The following SDAD1 variants were observed in gnomAD, a reference collection of about 807,000 sequenced individuals.
SDAD1 encodes the protein protein SDA1 homolog.
In SDAD1, 79 loss-of-function variants were observed where a neutral mutation model predicts 100.3. The observed-to-expected ratio is 0.79, with a 90% confidence interval of 0.66 to 0.95. SDAD1 has a LOEUF of 0.95. Among genes scored for constraint, SDAD1 ranks in the 40% least tolerant of loss-of-function variants. The probability of loss-of-function intolerance (pLI) is 0.00; values close to 1 mark genes in which losing one functional copy is unlikely to be tolerated. For missense variants in SDAD1, 790 were observed against 810.9 expected (o/e 0.97, Z 0.31); for synonymous variants, 267 against 271.4 (o/e 0.98, Z 0.16).
At position 75,964,521 on chromosome 4, in the gene SDAD1, T is replaced by C. The variant is rs1729427774; in HGVS notation, c.1105-310A>G. Among the ~76,000 whole-genome samples the C allele has an allele frequency of 2.0e-5, 3 of 151,172 alleles. No individual in the cohort carries two copies. In the South Asian group the frequency reaches 6.3e-4, roughly 32 times the overall value. ...AAATCAGAATTCTAAACAACTTGTC[T>C]GAAAGAAACTTCTTTTTATGAGACG... On this transcript the variant is annotated intron_variant, in intron 13 of 21. Transcript: ENST00000356260.
chr4:75,990,920 C>T lies in SDAD1; in HGVS notation c.-79G>A, dbSNP rs1731235473. The T allele has an allele frequency of 6.4e-7, 1 of 1,554,726 alleles. No homozygotes were observed. Among genetic ancestry groups the T allele is most frequent in the Non-Finnish European group, 8.8e-7 (1 of 1,130,670 alleles). On this transcript the variant is annotated 5_prime_UTR_variant, in exon 1 of 22. Transcript: ENST00000356260. The stretch of plus-strand genomic sequence containing the variant: ...GGCACCCCGCAATCCCTGCCAGCTG[C>T]AGCTTGGACTCGTGTTTCCGGGTAT...
At chr4:75,971,092 T>C (rs1729843290) in intron 9 of SDAD1, among the ~76,000 whole-genome samples, 1 of 152,212 alleles carries the variant, frequency 6.6e-6, no homozygotes, top group African/African-American at 2.4e-5. Flanking sequence ...TGACAAAACA[T>C]GTCTAGCAAA....
rs188186334 is a variant in SDAD1, at chr4:75,979,754, G to A, written c.294+1618C>T. Among the ~76,000 whole-genome samples the A allele has an allele frequency of 6.3e-4, 95 of 151,822 alleles. 1 individual carries two copies. Among genetic ancestry groups the A allele is most frequent in the African/African-American group, 1.9e-3 (78 of 41,412 alleles). On this transcript the variant is annotated intron_variant, in intron 3 of 21. Coordinates refer to ENST00000356260, the MANE Select transcript of SDAD1 (RefSeq NM_018115.4). ...ACAGGCGTGAGCCACCGCGCCTGGC[G>A]GAAATCTTTATTATTTTTTAAAAAC...
chr4:75,982,648 CAAAATA>C (rs1430993681), intron 1 of SDAD1, among the ~76,000 whole-genome samples: 3 of 151,808 alleles, frequency 2.0e-5, no homozygotes, highest in Non-Finnish European at 2.9e-5. Context: ...CCCTGTCTCA[CAAAATA>C]AAAATAAAAA....
intron 14 of SDAD1, among the ~76,000 whole-genome samples, chr4:75,962,912 C>T (rs990232500): frequency 3.3e-5 from 5 of 152,182 alleles, no homozygotes; most frequent in African/African-American, 9.7e-5. Flanking sequence ...TCCCACCTGT[C>T]AATTTTGGCT....
chr4:75,989,159 C>A (rs959984549), intron 1 of SDAD1, among the ~76,000 whole-genome samples: 2 of 152,198 alleles, frequency 1.3e-5, no homozygotes, highest in Non-Finnish European at 2.9e-5. Flanking sequence ...CCTACATCAT[C>A]TTCCACTGCC....
intron 17 of SDAD1, among the ~76,000 whole-genome samples, chr4:75,958,477 AG>A (rs1440618550): frequency 6.6e-6 from 1 of 152,220 alleles, no homozygotes; most frequent in African/African-American, 2.4e-5. Flanking sequence ...CTCAATAAAA[AG>A]GTATCAGGCT....
chr4:75,961,351 T>A (rs775134667), intron 14 of SDAD1, 43 bp from the exon 15 acceptor site: 1 of 1,411,476 alleles, frequency 7.1e-7, no homozygotes, highest in Admixed American at 1.8e-5. Flanking sequence ...CGAATAGCAA[T>A]TTTTTCATGA....
Position 75,975,846 on chromosome 4 carries a change from T to C in SDAD1, c.478-2A>G, listed in dbSNP as rs1730129194. 1 of 1,613,172 alleles carries C rather than the reference T, an allele frequency of 6.2e-7. No homozygotes were observed. The highest frequency in any genetic ancestry group is 1.3e-5 in the African/African-American group (1 of 75,030). ...GGTGTACATGAAATTTTGCAATACC[T>C]GCAGAAAAGGAGGAGAAAGAAGACT... On this transcript the variant is annotated splice_acceptor_variant, in intron 5 of 21. Transcript: ENST00000356260. LOFTEE classifies it high-confidence loss of function.
At chr4:75,955,300 G>A (rs1728826643) in intron 21 of SDAD1, among the ~76,000 whole-genome samples, 2 of 152,158 alleles carry the variant, frequency 1.3e-5, no homozygotes, top group East Asian at 1.9e-4. Flanking sequence ...ATAAATGGTG[G>A]TATATCCAGT....
Position 75,990,568 on chromosome 4 carries a change from G to A in SDAD1, c.90+184C>T, listed in dbSNP as rs1731195561. On this transcript the variant is annotated intron_variant, in intron 1 of 21. Coordinates refer to ENST00000356260, the MANE Select transcript of SDAD1 (RefSeq NM_018115.4). ...ATCCAAAGGGGCAACAGATTTTCAA[G>A]AGGTGGGGAACGAACCCTAAGGCAT... is the stretch of plus-strand genomic sequence containing the variant. 4 of 1,255,582 alleles carry A rather than the reference G, an allele frequency of 3.2e-6. No homozygotes were observed. In the East Asian group the frequency reaches 7.5e-5, roughly 24 times the overall value. The allele number at this position is 1,255,582 out of a possible 1,614,324, so 77.8% of individuals were successfully genotyped here. A position where few individuals can be genotyped will look rare whatever the true frequency, so the allele number is the denominator to read the frequency against.
intron 2 of SDAD1, 67 bp from the exon 3 acceptor site, chr4:75,981,537 T>C: frequency 1.2e-6 from 2 of 1,603,960 alleles, no homozygotes; most frequent in Non-Finnish European, 8.5e-7. Flanking sequence ...TGCATACATT[T>C]AGGATGTTCT....
intron 12 of SDAD1, among the ~76,000 whole-genome samples, 196 bp downstream of exon 12, chr4:75,967,081 A>T (rs1291050208): frequency 1.3e-5 from 2 of 152,144 alleles, no homozygotes; most frequent in East Asian, 1.9e-4. Context: ...TTGTTGTTTT[A>T]AAAAAACAAT....
At chr4:75,989,934 T>C (rs1187668933) in intron 1 of SDAD1, among the ~76,000 whole-genome samples, 1 of 152,120 alleles carries the variant, frequency 6.6e-6, no homozygotes. Context: ...ACTGAACAAA[T>C]CACAATCTGG....
intron 21 of SDAD1, among the ~76,000 whole-genome samples, chr4:75,953,583 G>A (rs1008927485): frequency 2.6e-5 from 4 of 152,152 alleles, no homozygotes; most frequent in African/African-American, 9.7e-5. Flanking sequence ...AAATGATGTT[G>A]TTGAACACAG....
chr4:75,968,059 T>C (rs1348176201), intron 11 of SDAD1, among the ~76,000 whole-genome samples: 2 of 152,218 alleles, frequency 1.3e-5, no homozygotes, highest in African/African-American at 4.8e-5. Context: ...CACTGAGAAG[T>C]TGCAGGGAAG....
chr4:75,983,183 A>G (rs945960244), intron 1 of SDAD1, among the ~76,000 whole-genome samples: 2 of 152,088 alleles, frequency 1.3e-5, no homozygotes, highest in African/African-American at 4.8e-5. Context: ...TTCTTTATCT[A>G]GTCTATCATT....
intron 10 of SDAD1, among the ~76,000 whole-genome samples, 185 bp downstream of exon 10, chr4:75,970,124 C>T (rs566193170): frequency 1.3e-5 from 2 of 151,912 alleles, no homozygotes; most frequent in African/African-American, 4.8e-5. Flanking sequence ...TCTTGTTCTG[C>T]GATAGACTGG....
At position 75,984,778 on chromosome 4, in the gene SDAD1, A is replaced by AACACACACACACACACACACACACACAC. The variant is rs35320227; in HGVS notation, c.91-2769_91-2742dup. 1.8e-4 allele frequency among the ~76,000 whole-genome samples: 24 copies of AACACACACACACACACACACACACACAC among 137,026 alleles called. 1 individual carries two copies. The highest frequency in any genetic ancestry group is 1.5e-3 in the South Asian group (6 of 3,978). 89.9% of individuals were successfully genotyped at this position (137,026 alleles called of 152,430 possible). A position where few individuals can be genotyped will look rare whatever the true frequency, so the allele number is the denominator to read the frequency against. ...TATGTGACATACACACACACACACA[A>AACACACACACACACACACACACACACAC]ACACACACACACACACACACACACA... On this transcript the variant is annotated intron_variant, in intron 1 of 21. Coordinates refer to ENST00000356260, the MANE Select transcript of SDAD1 (RefSeq NM_018115.4).
Sources: allele counts gnomAD v4.1 joint callset (sites outside exome capture counted in the v4.1 genomes callset), GRCh38; gene constraint gnomAD v4.1.1; transcripts MANE v1.5; gene names NCBI Gene and HGNC (gene_info 2026-07-23, HGNC 2026-07-21).